MAGI1: variants seen among roughly 807,000 people sequenced by gnomAD.
MAGI1 encodes membrane-associated guanylate kinase, WW and PDZ domain-containing protein 1.
MAGI1 carries 58 observed loss-of-function variants against 139.9 expected under a neutral mutation model. The ratio of observed to expected loss-of-function variants is 0.41; its 90% CI spans 0.34 to 0.52. MAGI1 has a LOEUF of 0.52. Among genes scored for constraint, MAGI1 ranks in the 20% least tolerant of loss-of-function variants. MAGI1 has a pLI of 0.12. For missense variants in MAGI1, 1,874 were observed against 1,901.6 expected (o/e 0.99, Z 0.27); for synonymous variants, 812 against 737.9 (o/e 1.10, Z -1.63).
chr3:65,903,646 T>C (rs1342748658), intron 1 of MAGI1, among the ~76,000 whole-genome samples: 3 of 152,198 alleles, frequency 2.0e-5, no homozygotes, highest in Admixed American at 6.5e-5. Flanking sequence ...GTTTTTATCC[T>C]TGCCAGTCAG....
chr3:65,406,805 C>CTA (rs538542443), intron 12 of MAGI1, among the ~76,000 whole-genome samples: 12,633 of 150,890 alleles, frequency 0.084, 613 homozygotes, highest in Middle Eastern at 0.16. Context: ...CTCTCTCTCT[C>CTA]TATATATATA....
intron 1 of MAGI1, among the ~76,000 whole-genome samples, chr3:65,752,302 A>C (rs1364794826): frequency 6.6e-6 from 1 of 152,162 alleles, no homozygotes; most frequent in African/African-American, 2.4e-5. Flanking sequence ...GTTTACTTTA[A>C]TATGGTGTTA....
At chr3:65,848,336 G>C (rs913500757) in intron 1 of MAGI1, among the ~76,000 whole-genome samples, 1 of 152,136 alleles carries the variant, frequency 6.6e-6, no homozygotes, top group Non-Finnish European at 1.5e-5. Context: ...CGTATCCTAC[G>C]CTGGTTCTGA....
At chr3:65,716,105 T>C (rs1423848316) in intron 1 of MAGI1, among the ~76,000 whole-genome samples, 5 of 152,224 alleles carry the variant, frequency 3.3e-5, no homozygotes, top group Non-Finnish European at 7.3e-5. Flanking sequence ...CCCCCTCAAA[T>C]TGTTTTAAAG....
chr3:65,492,863 G>T (rs1005988191), intron 3 of MAGI1, among the ~76,000 whole-genome samples: 1 of 152,054 alleles, frequency 6.6e-6, no homozygotes, highest in Admixed American at 6.6e-5. Context: ...CGGATCACGA[G>T]GTCAGGAGAT....
At chr3:65,470,593 T>G in intron 4 of MAGI1, 109 bp from the exon 5 acceptor site, 1 of 628,698 alleles carries the variant, frequency 1.6e-6, no homozygotes, top group Non-Finnish European at 2.8e-6. Flanking sequence ...ACATCTATAT[T>G]CTTAAATGCT....
intron 1 of MAGI1, among the ~76,000 whole-genome samples, chr3:65,719,296 T>A (rs1157674918): frequency 1.3e-5 from 2 of 151,592 alleles, no homozygotes; most frequent in Non-Finnish European, 2.9e-5. Context: ...TGTGTGTGTG[T>A]GTGTGTGTAT....
chr3:65,660,249 C>T (rs1055500515), intron 1 of MAGI1, among the ~76,000 whole-genome samples: 1 of 152,234 alleles, frequency 6.6e-6, no homozygotes, highest in Non-Finnish European at 1.5e-5. Context: ...ATGTCATGCA[C>T]TCTCTAAGGC....
intron 2 of MAGI1, among the ~76,000 whole-genome samples, chr3:65,586,989 T>G (rs2081713914): frequency 6.6e-6 from 1 of 152,218 alleles, no homozygotes; most frequent in African/African-American, 2.4e-5. Context: ...TTTCCCATTA[T>G]GGAAGAGGCA....
At chr3:65,683,834 C>T (rs2087777769) in intron 1 of MAGI1, among the ~76,000 whole-genome samples, 1 of 151,890 alleles carries the variant, frequency 6.6e-6, no homozygotes, top group African/African-American at 2.4e-5. Context: ...CTGGATTACA[C>T]TCATACTGCT....
chr3:65,822,578 G>C (rs111759496), intron 1 of MAGI1, among the ~76,000 whole-genome samples: 2,464 of 152,146 alleles, frequency 0.016, 68 homozygotes, highest in African/African-American at 0.054. Context: ...ACCTGAGGCT[G>C]GGTAATTTAT....
chr3:65,392,299 T>A lies in MAGI1; in HGVS notation c.2200-941A>T, dbSNP rs1241263558. ...TAGTGGGTAGAACAGAAAATAACTG[T>A]AGTTCTTATTTTCTCCAATAAAAGA... On this transcript the variant is annotated intron_variant, in intron 13 of 22. Coordinates refer to ENST00000402939, the MANE Select transcript of MAGI1 (RefSeq NM_001033057.2). Among the ~76,000 whole-genome samples, 5 of 152,302 alleles carry A rather than the reference T, an allele frequency of 3.3e-5. 1 individual carries two copies. The East Asian group carries it at 9.7e-4, about 29-fold the overall frequency.
intron 12 of MAGI1, among the ~76,000 whole-genome samples, chr3:65,422,154 T>C (rs1406999610): frequency 1.3e-5 from 2 of 152,208 alleles, no homozygotes; most frequent in Non-Finnish European, 2.9e-5. Flanking sequence ...TCCTATATCG[T>C]AGCCACTCGC....
chr3:65,467,681 T>C (rs938977288), intron 5 of MAGI1, among the ~76,000 whole-genome samples: 1 of 152,200 alleles, frequency 6.6e-6, no homozygotes, highest in East Asian at 1.9e-4. Flanking sequence ...CATCAAGATA[T>C]CCACCTTCCC....
chr3:65,798,379 C>T (rs2040288616), intron 1 of MAGI1, among the ~76,000 whole-genome samples: 2 of 152,108 alleles, frequency 1.3e-5, no homozygotes, highest in African/African-American at 4.8e-5. Context: ...TCGCCCATTC[C>T]ATGCCTTTCT....
chr3:66,030,922 G>C (rs887232720), intron 1 of MAGI1, among the ~76,000 whole-genome samples: 10 of 152,326 alleles, frequency 6.6e-5, no homozygotes, highest in Non-Finnish European at 5.9e-5. Context: ...CTTCGGAAAA[G>C]TTGACATCCA....
chr3:66,020,680 G>A (rs1247940811), intron 1 of MAGI1, among the ~76,000 whole-genome samples: 1 of 152,102 alleles, frequency 6.6e-6, no homozygotes, highest in Non-Finnish European at 1.5e-5. Context: ...TAAGCCATTT[G>A]AGTTGCATTT....
chr3:65,852,909 G>A (rs62245690), intron 1 of MAGI1, among the ~76,000 whole-genome samples: 9,537 of 151,080 alleles, frequency 0.063, 408 homozygotes, highest in Middle Eastern at 0.13. Flanking sequence ...GCCGAGGTGG[G>A]CAGATCATGA....
At chr3:65,886,234 A>C (rs1044869149) in intron 1 of MAGI1, among the ~76,000 whole-genome samples, 1 of 152,160 alleles carries the variant, frequency 6.6e-6, no homozygotes, top group African/African-American at 2.4e-5. Flanking sequence ...TTCATATGTA[A>C]ATGTCCTATT....
Sources: gnomAD v4.1 joint callset for allele counts (sites outside exome capture counted in the v4.1 genomes callset) on GRCh38, gnomAD v4.1.1 for gene constraint, MANE v1.5 for transcripts, NCBI Gene and HGNC (gene_info 2026-07-23, HGNC 2026-07-21) for gene names.